Variants in CDKAL1 observed in about 807,000 individuals in gnomAD.
The protein encoded by CDKAL1 is threonylcarbamoyladenosine tRNA methylthiotransferase.
CDKAL1 carries 32 observed loss-of-function variants against 68.2 expected under a neutral mutation model. The ratio of observed to expected loss-of-function variants is 0.47; its 90% CI spans 0.35 to 0.63. The LOEUF (loss-of-function observed/expected upper bound fraction) is 0.63, where lower values mean the gene tolerates loss of function less well. Ranked by LOEUF, CDKAL1 falls within the 30% of genes least tolerant of loss-of-function variation. The pLI is 0.00. For synonymous variants in CDKAL1, 234 were observed against 244.3 expected (o/e 0.96, Z 0.39); for missense variants, 606 against 696.7 (o/e 0.87, Z 1.47).
intron 13 of CDKAL1, among the ~76,000 whole-genome samples, chr6:21,177,716 T>C (rs1237352782): frequency 6.6e-6 from 1 of 151,916 alleles, no homozygotes; most frequent in Non-Finnish European, 1.5e-5. Context: ...AAATGGCTAA[T>C]GGATCTATCC....
chr6:20,930,899 C>A (rs113563979), intron 9 of CDKAL1, among the ~76,000 whole-genome samples: 1 of 152,112 alleles, frequency 6.6e-6, no homozygotes, highest in Non-Finnish European at 1.5e-5. Flanking sequence ...CACCTGCCAC[C>A]GCGCCCGGCT....
chr6:20,815,299 A>G (rs922671713), intron 8 of CDKAL1, among the ~76,000 whole-genome samples: 1 of 152,132 alleles, frequency 6.6e-6, no homozygotes. Flanking sequence ...CTCTGTTTTT[A>G]GTAGTTTATA....
intron 11 of CDKAL1, among the ~76,000 whole-genome samples, chr6:21,015,570 C>G (rs894350438): frequency 1.3e-5 from 2 of 152,014 alleles, no homozygotes; most frequent in African/African-American, 4.8e-5. Context: ...TGTTTTGACT[C>G]TTATCAACAA....
chr6:20,836,953 A>G (rs1305999591), intron 8 of CDKAL1, among the ~76,000 whole-genome samples: 4 of 152,006 alleles, frequency 2.6e-5, no homozygotes, highest in African/African-American at 9.7e-5. Flanking sequence ...CAGTTCCCTC[A>G]TTTTCTCTCT....
chr6:21,192,312 C>T (rs536937719), intron 13 of CDKAL1, among the ~76,000 whole-genome samples: 40 of 152,060 alleles, frequency 2.6e-4, no homozygotes, highest in East Asian at 7.7e-4. Context: ...TGAGCCACCG[C>T]GCCCGGCCAT....
chr6:20,628,005 G>A (rs1767508236), intron 4 of CDKAL1, among the ~76,000 whole-genome samples: 1 of 151,854 alleles, frequency 6.6e-6, no homozygotes, highest in South Asian at 2.1e-4. Flanking sequence ...AAATTCCTTG[G>A]GATTTTCTAG....
intron 9 of CDKAL1, among the ~76,000 whole-genome samples, chr6:20,860,679 C>G (rs1158492744): frequency 6.6e-6 from 1 of 151,948 alleles, no homozygotes; most frequent in Non-Finnish European, 1.5e-5. Flanking sequence ...CAAAAATTAG[C>G]TGGGCGTGGT....
At chr6:20,772,847 C>A (rs1321143536) in intron 7 of CDKAL1, 1 of 152,160 alleles carries the variant, frequency 6.6e-6, no homozygotes, top group Non-Finnish European at 1.5e-5. Flanking sequence ...TTCGCCTCCT[C>A]CCCAGTCCAC....
At chr6:20,706,654 G>A (rs909877353) in intron 5 of CDKAL1, among the ~76,000 whole-genome samples, 4 of 152,176 alleles carry the variant, frequency 2.6e-5, no homozygotes, top group Non-Finnish European at 4.4e-5. Flanking sequence ...ATCTGTATTT[G>A]TGTGTATCAT....
In CDKAL1 at chr6:20,751,447, TAAC is replaced by T. The variant is rs370592217; in HGVS notation, c.469-7147_469-7145del. On this transcript the variant is annotated intron_variant, in intron 6 of 15. Coordinates refer to ENST00000274695, the MANE Select transcript of CDKAL1 (RefSeq NM_017774.3). ...CAGTAGCCACATTTGAAGTCTGTAA[TAAC>T]CACATGTGGCTAGTGACTATCATAG... Among the ~76,000 whole-genome samples, 396 of 152,336 alleles carry T rather than the reference TAAC, an allele frequency of 2.6e-3. 4 individuals are homozygous for T. The highest frequency in any genetic ancestry group is 9.0e-3 in the African/African-American group (374 of 41,572).
chr6:20,853,307 G>A (rs368734856), intron 9 of CDKAL1, among the ~76,000 whole-genome samples: 36 of 151,928 alleles, frequency 2.4e-4, no homozygotes, highest in Admixed American at 1.7e-3. Context: ...ATTTGAACCC[G>A]GAAGGTGAGG....
chr6:20,848,528 G>T (rs34367682), intron 9 of CDKAL1, among the ~76,000 whole-genome samples: 1,858 of 152,246 alleles, frequency 0.012, 17 homozygotes, highest in Middle Eastern at 0.055. Flanking sequence ...GGTTGGACTA[G>T]TTAAGGCGAG....
intron 8 of CDKAL1, among the ~76,000 whole-genome samples, chr6:20,829,889 T>A (rs556370659): frequency 9.9e-5 from 15 of 152,220 alleles, no homozygotes; most frequent in African/African-American, 1.4e-4. Context: ...TATTATTATT[T>A]TTTGAGACGG....
chr6:21,045,450 CAG>C (rs1310115142), intron 11 of CDKAL1, among the ~76,000 whole-genome samples: 2 of 152,182 alleles, frequency 1.3e-5, no homozygotes, highest in African/African-American at 4.8e-5. Flanking sequence ...GACTCTGAGT[CAG>C]GGGCTAGTTG....
intron 15 of CDKAL1, among the ~76,000 whole-genome samples, chr6:21,214,313 TTA>T (rs72236745): frequency 0.079 from 11,791 of 149,786 alleles, 1,008 homozygotes; most frequent in African/African-American, 0.22. Context: ...AAATGTTATT[TTA>T]TATATATATA....
chr6:20,725,650 G>A (rs940648968), intron 5 of CDKAL1, among the ~76,000 whole-genome samples: 2 of 152,116 alleles, frequency 1.3e-5, no homozygotes, highest in African/African-American at 2.4e-5. Context: ...CGGGCGTGGT[G>A]GCACATGCCT....
intron 4 of CDKAL1, among the ~76,000 whole-genome samples, chr6:20,569,659 A>G (rs893531088): frequency 6.6e-6 from 1 of 152,230 alleles, no homozygotes; most frequent in African/African-American, 2.4e-5. Context: ...CTTTACCTGA[A>G]TATGAAACTA....
At chr6:20,825,299 A>G (rs965773037) in intron 8 of CDKAL1, among the ~76,000 whole-genome samples, 1 of 151,156 alleles carries the variant, frequency 6.6e-6, no homozygotes, top group Non-Finnish European at 1.5e-5. Flanking sequence ...AGTATGGTTT[A>G]AATGACATAA....
intron 4 of CDKAL1, among the ~76,000 whole-genome samples, chr6:20,550,170 G>C (rs890760317): frequency 6.6e-6 from 1 of 151,614 alleles, no homozygotes; most frequent in African/African-American, 2.4e-5. Context: ...TAGAGATGGG[G>C]TTTCGCCATG....
Sources: gnomAD v4.1 joint callset for allele counts (sites outside exome capture counted in the v4.1 genomes callset) on GRCh38, gnomAD v4.1.1 for gene constraint, MANE v1.5 for transcripts, NCBI Gene and HGNC (gene_info 2026-07-23, HGNC 2026-07-21) for gene names.